Variants in SPOCK1 observed in about 807,000 individuals in gnomAD.
SPOCK1 encodes the protein testican-1.
SPOCK1 carries 23 observed loss-of-function variants against 55.3 expected under a neutral mutation model. That is an observed-to-expected ratio of 0.42 (90% CI 0.30 to 0.59). SPOCK1 has a LOEUF of 0.59. Among genes scored for constraint, SPOCK1 ranks in the 20% least tolerant of loss-of-function variants. SPOCK1 has a pLI of 0.22. For missense variants in SPOCK1, 499 were observed against 552.5 expected (o/e 0.90, Z 0.97); for synonymous variants, 226 against 221.0 (o/e 1.02, Z -0.20).
At chr5:137,366,640 G>A (rs1751073335) in intron 2 of SPOCK1, among the ~76,000 whole-genome samples, 1 of 152,226 alleles carries the variant, frequency 6.6e-6, no homozygotes, top group Non-Finnish European at 1.5e-5. Flanking sequence ...GTGAGTTAAT[G>A]CCATTTAACA....
chr5:137,016,509 A>C (rs1751450186), intron 6 of SPOCK1, among the ~76,000 whole-genome samples: 1 of 152,212 alleles, frequency 6.6e-6, no homozygotes, highest in Non-Finnish European at 1.5e-5. Flanking sequence ...TCCTATACCA[A>C]ACAATAAATT....
At chr5:137,004,808 A>G (rs955097091) in intron 6 of SPOCK1, among the ~76,000 whole-genome samples, 1 of 152,208 alleles carries the variant, frequency 6.6e-6, no homozygotes, top group Non-Finnish European at 1.5e-5. Context: ...GTGGACCAAT[A>G]AAAACACAAT....
At chr5:137,357,486 A>C (rs1354246513) in intron 2 of SPOCK1, among the ~76,000 whole-genome samples, 1 of 152,210 alleles carries the variant, frequency 6.6e-6, no homozygotes, top group Non-Finnish European at 1.5e-5. Context: ...GGGAATATAA[A>C]GGAGCTCATG....
chr5:137,358,066 C>A (rs547488794), intron 2 of SPOCK1, among the ~76,000 whole-genome samples: 100 of 152,210 alleles, frequency 6.6e-4, no homozygotes, highest in Middle Eastern at 3.4e-3. Flanking sequence ...CCAGTCACTG[C>A]AAATCCTGAA....
At chr5:137,004,425 C>T (rs1265962966) in intron 6 of SPOCK1, among the ~76,000 whole-genome samples, 1 of 152,136 alleles carries the variant, frequency 6.6e-6, no homozygotes, top group Non-Finnish European at 1.5e-5. Context: ...ATCATCTCCC[C>T]TTCTCCTGAG....
intron 4 of SPOCK1, among the ~76,000 whole-genome samples, chr5:137,137,024 C>A (rs759857404): frequency 3.9e-5 from 6 of 152,230 alleles, no homozygotes; most frequent in Non-Finnish European, 5.9e-5. Flanking sequence ...TGACACACTG[C>A]AGTCACAGAT....
chr5:137,366,449 C>T (rs534667317), intron 2 of SPOCK1, among the ~76,000 whole-genome samples: 1 of 152,146 alleles, frequency 6.6e-6, no homozygotes, highest in African/African-American at 2.4e-5. Context: ...ATTTTTCCGA[C>T]AAGAAAAGAC....
chr5:137,309,579 C>T (rs973630614), intron 2 of SPOCK1, among the ~76,000 whole-genome samples: 3 of 152,236 alleles, frequency 2.0e-5, no homozygotes, highest in African/African-American at 7.2e-5. Context: ...CTGATGAGTA[C>T]ATTGATCCTC....
At chr5:137,167,325 T>C (rs57411265) in intron 3 of SPOCK1, among the ~76,000 whole-genome samples, 7,714 of 151,952 alleles carry the variant, frequency 0.051, 359 homozygotes, top group East Asian at 0.14. Flanking sequence ...ATAAAGTAAA[T>C]ATTTGATCTA....
chr5:137,429,002 G>A (rs6878726), intron 2 of SPOCK1, among the ~76,000 whole-genome samples: 6,792 of 152,268 alleles, frequency 0.045, 517 homozygotes, highest in African/African-American at 0.15. Flanking sequence ...ACTTACATCT[G>A]ATGATGGTAC....
In SPOCK1 at chr5:136,997,499, C is replaced by T. The variant is rs562976665; in HGVS notation, c.590-4899G>A. Among the ~76,000 whole-genome samples, 16 of 152,258 alleles carry T rather than the reference C, an allele frequency of 1.1e-4. 1 individual carries two copies. In the South Asian group the frequency reaches 1.2e-3, roughly 12 times the overall value. Reference sequence around the variant, plus strand: ...TCTCCTGTTTGAGACACTTCAGAGGCTCCCAGTTATTCTGTAGGTTAAGTC... The same window carrying T: ...TCTCCTGTTTGAGACACTTCAGAGGTTCCCAGTTATTCTGTAGGTTAAGTC... On this transcript the variant is annotated intron_variant, in intron 6 of 10. Transcript: ENST00000394945.
chr5:136,980,284 G>C (rs1186061280), intron 9 of SPOCK1, among the ~76,000 whole-genome samples: 1 of 151,686 alleles, frequency 6.6e-6, no homozygotes, highest in Non-Finnish European at 1.5e-5. Context: ...TCTTGAATGG[G>C]TACTACTGAT....
chr5:136,993,875 A>T (rs925262494), intron 6 of SPOCK1, among the ~76,000 whole-genome samples: 5 of 152,214 alleles, frequency 3.3e-5, no homozygotes, highest in African/African-American at 1.2e-4. Context: ...GATTGAATTA[A>T]GGTGATCAGC....
intron 2 of SPOCK1, among the ~76,000 whole-genome samples, chr5:137,480,883 T>G (rs1266151350): frequency 6.6e-6 from 1 of 151,836 alleles, no homozygotes; most frequent in African/African-American, 2.4e-5. Context: ...ACCAAAAGAA[T>G]GAGGAGAGGG....
rs569271270 is a variant in SPOCK1, at chr5:137,100,008, G to A, written c.474+12427C>T. Among the ~76,000 whole-genome samples the A allele has an allele frequency of 2.0e-5, 3 of 152,240 alleles. No individual in the cohort carries two copies. The South Asian group carries it at 6.2e-4, about 32-fold the overall frequency. The stretch of plus-strand genomic sequence containing the variant: ...TTGCAAGCTCAACTATTAAAATAAT[G>A]TCTGCATTATAACTAGGAGTTCGGT... On this transcript the variant is annotated intron_variant, in intron 5 of 10. Transcript: ENST00000394945.
intron 4 of SPOCK1, among the ~76,000 whole-genome samples, chr5:137,124,856 G>C (rs138584599): frequency 6.6e-6 from 1 of 152,148 alleles, no homozygotes; most frequent in Non-Finnish European, 1.5e-5. Flanking sequence ...AAGAGAGAAG[G>C]CCCTAAATAA....
intron 2 of SPOCK1, among the ~76,000 whole-genome samples, chr5:137,332,320 GT>G (rs1181673814): frequency 1.3e-5 from 2 of 152,084 alleles, no homozygotes; most frequent in African/African-American, 4.8e-5. Context: ...CTCCAGCCCT[GT>G]TTGGTGCCTC....
intron 9 of SPOCK1, among the ~76,000 whole-genome samples, chr5:136,983,452 C>T (rs1021221687): frequency 6.6e-5 from 10 of 152,154 alleles, no homozygotes; most frequent in Admixed American, 4.6e-4. Flanking sequence ...TCCACCCTCT[C>T]ATTAAGGAGT....
chr5:137,309,234 C>T (rs1431373639), intron 2 of SPOCK1, among the ~76,000 whole-genome samples: 1 of 152,176 alleles, frequency 6.6e-6, no homozygotes, highest in Non-Finnish European at 1.5e-5. Flanking sequence ...AGGGGAACAG[C>T]TTTCCAAACT....
Sources: allele counts gnomAD v4.1 joint callset (sites outside exome capture counted in the v4.1 genomes callset), GRCh38; gene constraint gnomAD v4.1.1; transcripts MANE v1.5; gene names NCBI Gene and HGNC (gene_info 2026-07-23, HGNC 2026-07-21).